Variants in BACE2 observed in about 807,000 individuals in gnomAD.
The protein encoded by BACE2 is beta-secretase 2.
A neutral mutation model predicts 46.2 loss-of-function variants in BACE2; 17 were observed. That is an observed-to-expected ratio of 0.37 (90% CI 0.25 to 0.55). BACE2 has a LOEUF of 0.55. BACE2 is among the 20% of genes least tolerant of loss of function. BACE2 has a pLI of 0.82. For synonymous variants in BACE2, 277 were observed against 295.9 expected (o/e 0.94, Z 0.66); for missense variants, 595 against 698.1 (o/e 0.85, Z 1.66).
chr21:41,210,734 G>C lies in BACE2; in HGVS notation c.313-15532G>C, dbSNP rs144409850. ...AGGCTGCTCACTTGAGTGCCTTCAA[G>C]TCCTGAAAAGACCTTTTTGACATTT... On this transcript the variant is annotated intron_variant, in intron 1 of 8. Coordinates refer to ENST00000330333, the MANE Select transcript of BACE2 (RefSeq NM_012105.5). Among the ~76,000 whole-genome samples, 18 of 152,280 alleles carry C rather than the reference G, an allele frequency of 1.2e-4. 1 individual carries two copies. In the East Asian group the frequency reaches 3.5e-3, roughly 29 times the overall value.
chr21:41,195,344 C>G (rs984517652), intron 1 of BACE2, among the ~76,000 whole-genome samples: 1 of 152,230 alleles, frequency 6.6e-6, no homozygotes, highest in Non-Finnish European at 1.5e-5. Context: ...GAGGTTTTGT[C>G]TGTGTCAGGA....
chr21:41,181,784 G>A (rs1336435631), intron 1 of BACE2: 1 of 167,040 alleles, frequency 6.0e-6, no homozygotes, highest in Non-Finnish European at 1.5e-5. Flanking sequence ...GAGGTCTGGG[G>A]ACATGGTCCT....
intron 4 of BACE2, among the ~76,000 whole-genome samples, chr21:41,242,286 G>T (rs1297985041): frequency 6.6e-6 from 1 of 151,890 alleles, no homozygotes; most frequent in Non-Finnish European, 1.5e-5. Context: ...TGGGTAGGGG[G>T]CCAAAGGAGA....
At position 41,237,743 on chromosome 21, in the gene BACE2, A is replaced by G; in HGVS notation, c.618+14A>G. 5 of 1,601,668 alleles carry G rather than the reference A, an allele frequency of 3.1e-6. No homozygotes were observed. Among genetic ancestry groups the G allele is most frequent in the South Asian group, 1.1e-5 (1 of 90,782 alleles). ...ACACTTGCCAAGGTAAGGCTAATCC[A>G]TGGATTTAAGGAAATCAAATAACAG... On this transcript the variant is annotated intron_variant, in intron 3 of 8. Coordinates refer to ENST00000330333, the MANE Select transcript of BACE2 (RefSeq NM_012105.5).
At chr21:41,191,659 C>T (rs1985573611) in intron 1 of BACE2, among the ~76,000 whole-genome samples, 1 of 152,154 alleles carries the variant, frequency 6.6e-6, no homozygotes, top group Admixed American at 6.5e-5. Context: ...ATAGCCAGGT[C>T]AGCCTTGGTG....
chr21:41,243,480 A>G lies in BACE2; in HGVS notation c.852A>G (p.Gly284=). The G allele has an allele frequency of 6.2e-7, 1 of 1,612,752 alleles. No individual in the cohort carries two copies. The highest frequency in any genetic ancestry group is 1.7e-4 in the Middle Eastern group (1 of 6,060). ...YQIEILKLEI[G]GQSLNLDCRE... is the part of the protein sequence containing the mutation. ...TAGAAATTCTGAAATTGGAAATTGG[A>G]GGCCAAAGCCTTAATCTGGACTGCA... Residue 284 remains glycine, a synonymous_variant, in exon 5 of 9, where the codon GGA becomes GGG. Coordinates refer to ENST00000330333, the MANE Select transcript of BACE2 (RefSeq NM_012105.5).
chr21:41,265,042 G>A (rs527750956), intron 8 of BACE2, among the ~76,000 whole-genome samples: 122 of 152,178 alleles, frequency 8.0e-4, no homozygotes, highest in African/African-American at 2.8e-3. Flanking sequence ...AAATTTTATT[G>A]TGACTTGGAT....
At chr21:41,274,213 C>T (rs1235707992) in intron 8 of BACE2, among the ~76,000 whole-genome samples, 4 of 152,024 alleles carry the variant, frequency 2.6e-5, no homozygotes, top group Non-Finnish European at 4.4e-5. Flanking sequence ...CTTTCTTTTT[C>T]AGTGCACTTA....
At chr21:41,198,605 C>A (rs959604546) in intron 1 of BACE2, among the ~76,000 whole-genome samples, 1 of 152,232 alleles carries the variant, frequency 6.6e-6, no homozygotes, top group Non-Finnish European at 1.5e-5. Context: ...CAGCTTCCAA[C>A]AGGGGTCTCC....
chr21:41,231,808 T>C (rs1196394993), intron 2 of BACE2, among the ~76,000 whole-genome samples: 1 of 152,164 alleles, frequency 6.6e-6, no homozygotes, highest in Non-Finnish European at 1.5e-5. Context: ...TGTATTTAAT[T>C]ATTGTGCAGA....
chr21:41,265,266 A>C (rs1467942134), intron 8 of BACE2, among the ~76,000 whole-genome samples: 1 of 151,306 alleles, frequency 6.6e-6, no homozygotes, highest in East Asian at 1.9e-4. Flanking sequence ...GGTTGTTTTA[A>C]GTCTTTTGTT....
At chr21:41,185,343 A>G (rs1221211125) in intron 1 of BACE2, 1 of 152,252 alleles carries the variant, frequency 6.6e-6, no homozygotes, top group Non-Finnish European at 1.5e-5. Context: ...AGCGTTGCCC[A>G]AGGGGAGACC....
rs139412038 is a variant in BACE2, at chr21:41,251,778, C to T, written c.1134+877C>T. ...ATCACACCACTGCACTGCAGCCTGGCGACAGAGTGAGACTCTGTCTCAGAA... is the reference window on the plus strand; with the variant it reads ...ATCACACCACTGCACTGCAGCCTGGTGACAGAGTGAGACTCTGTCTCAGAA... On this transcript the variant is annotated intron_variant, in intron 7 of 8. Transcript: ENST00000330333. Among the ~76,000 whole-genome samples, 758 of 150,930 alleles carry T rather than the reference C, an allele frequency of 5.0e-3. 19 individuals carry two copies. In the South Asian group the frequency reaches 0.056, roughly 11 times the overall value.
chr21:41,230,324 A>G (rs1986936080), intron 2 of BACE2: 1 of 152,272 alleles, frequency 6.6e-6, no homozygotes, highest in Non-Finnish European at 1.5e-5. Context: ...TGCTTTTTAC[A>G]TGCTTTATTA....
chr21:41,220,442 C>G (rs1347064552), intron 1 of BACE2, among the ~76,000 whole-genome samples: 1 of 152,198 alleles, frequency 6.6e-6, no homozygotes, highest in Non-Finnish European at 1.5e-5. Context: ...CAGCCCCCAT[C>G]CCGAAGCTAC....
rs1986854645 is a variant in BACE2, at chr21:41,227,505, A to T, written c.401+1151A>T. Among the ~76,000 whole-genome samples the T allele has an allele frequency of 2.0e-5, 3 of 152,250 alleles. No homozygotes were observed. In the South Asian group the frequency reaches 6.2e-4, roughly 31 times the overall value. The stretch of plus-strand genomic sequence containing the variant: ...TGATTTGCTGTGTATGAAAGAAAGC[A>T]TAGAGGAAACCCTGTATATCTATGC... On this transcript the variant is annotated intron_variant, in intron 2 of 8. Transcript: ENST00000330333.
intron 1 of BACE2, chr21:41,183,276 A>C (rs760527722): frequency 4.2e-5 from 7 of 166,676 alleles, no homozygotes; most frequent in African/African-American, 9.7e-5. Flanking sequence ...TAAAAATCCT[A>C]AAGTTAAATT....
In BACE2 at chr21:41,264,363, G is replaced by A. The variant is rs531636250; in HGVS notation, c.1303+7037G>A. ...TTTAGGAGGCCAAGGCAGGAGGATC[G>A]CTTGAGTCCAGAAGTTCAAGACCAG... On this transcript the variant is annotated intron_variant, in intron 8 of 8. Transcript: ENST00000330333. Among the ~76,000 whole-genome samples, 10 of 152,068 alleles carry A rather than the reference G, an allele frequency of 6.6e-5. No homozygotes were observed. In the South Asian group the frequency reaches 1.2e-3, roughly 19 times the overall value.
chr21:41,205,306 T>A (rs1213631031), intron 1 of BACE2, among the ~76,000 whole-genome samples: 1 of 152,206 alleles, frequency 6.6e-6, no homozygotes, highest in Non-Finnish European at 1.5e-5. Flanking sequence ...TTAAGTCACA[T>A]TTTCTGCTTT....
Sources: allele counts gnomAD v4.1 joint callset (sites outside exome capture counted in the v4.1 genomes callset), GRCh38; gene constraint gnomAD v4.1.1; transcripts MANE v1.5; gene names NCBI Gene and HGNC (gene_info 2026-07-23, HGNC 2026-07-21).